The following BAIAP2L2 variants were observed in gnomAD, a reference collection of about 807,000 sequenced individuals.
BAIAP2L2 encodes BAR/IMD domain containing adaptor protein 2 like 2, also known as BAR/IMD domain-containing adapter protein 2-like 2.
BAIAP2L2 carries 65 observed loss-of-function variants against 60.4 expected under a neutral mutation model. The ratio of observed to expected loss-of-function variants is 1.08; its 90% CI spans 0.88 to 1.32. BAIAP2L2 has a LOEUF of 1.32. Ranked by LOEUF, BAIAP2L2 falls within the 40% of genes most tolerant of loss-of-function variation. The pLI is 0.00. For missense variants in BAIAP2L2, 836 were observed against 741.2 expected (o/e 1.13, Z -1.48); for synonymous variants, 344 against 301.7 (o/e 1.14, Z -1.45).
chr22:38,085,793 C>T (rs568344468), intron 12 of BAIAP2L2, 61 bp from the exon 13 acceptor site: 73 of 1,432,014 alleles, frequency 5.1e-5, no homozygotes, highest in Admixed American at 2.9e-4. Flanking sequence ...TCCCTTGCTC[C>T]TCCCCTCCCT....
chr22:38,102,671 C>A (rs972214308), intron 4 of BAIAP2L2, among the ~76,000 whole-genome samples: 1 of 152,096 alleles, frequency 6.6e-6, no homozygotes, highest in African/African-American at 2.4e-5. Context: ...GATGGGAGGA[C>A]TGCTTGAGGC....
rs1602035711 is a variant in BAIAP2L2 at position 38,108,419 on chromosome 22, G to T, written c.128-78C>A. The stretch of plus-strand genomic sequence containing the variant: ...CTGGAGGCTCTTTTCATCTGGAGGG[G>T]ACTGTGTCTGTCCTGGGTGGGGTGT... On this transcript the variant is annotated intron_variant, in intron 2 of 13. Coordinates refer to ENST00000381669, the MANE Select transcript of BAIAP2L2 (RefSeq NM_025045.6). 2.6e-6 allele frequency: 3 copies of T among 1,149,374 alleles called. No individual in the cohort carries two copies. The East Asian group carries it at 7.4e-5, about 28-fold the overall frequency. The allele number at this position is 1,149,374 out of a possible 1,614,324, so 71.2% of individuals were successfully genotyped here. A position where few individuals can be genotyped will look rare whatever the true frequency, so the allele number is the denominator to read the frequency against.
At chr22:38,103,779 C>T (rs536322528) in intron 4 of BAIAP2L2, among the ~76,000 whole-genome samples, 1 of 150,048 alleles carries the variant, frequency 6.7e-6, no homozygotes, top group South Asian at 2.2e-4. Context: ...TGGAGAATTG[C>T]TTGAACCTGG....
chr22:38,105,687 C>T (rs568810478), intron 4 of BAIAP2L2, among the ~76,000 whole-genome samples: 2 of 152,018 alleles, frequency 1.3e-5, no homozygotes, highest in Non-Finnish European at 2.9e-5. Flanking sequence ...AAAACTGCAC[C>T]CCCCAAAGAC....
At chr22:38,109,093 G>C (rs13055413) in intron 2 of BAIAP2L2, 40 bp downstream of exon 2, 1 of 1,544,162 alleles carries the variant, frequency 6.5e-7, no homozygotes, top group Non-Finnish European at 8.9e-7. Context: ...GAACAGCAGA[G>C]GCCCAGGGCT....
chr22:38,097,199 T>C (rs1462212590), intron 6 of BAIAP2L2, 21 bp from the exon 7 acceptor site: 1 of 1,607,804 alleles, frequency 6.2e-7, no homozygotes, highest in African/African-American at 1.3e-5. Flanking sequence ...ACGGGAGTTC[T>C]GGCTGGGGGC....
At chr22:38,091,626 T>C (rs2086303353) in intron 7 of BAIAP2L2, 1 of 152,106 alleles carries the variant, frequency 6.6e-6, no homozygotes, top group Admixed American at 6.6e-5. Context: ...ATTTACGAAG[T>C]GAAACAGCCA....
intron 11 of BAIAP2L2, 62 bp from the exon 12 acceptor site, chr22:38,086,511 C>A (rs1373924074): frequency 1.1e-5 from 14 of 1,316,454 alleles, no homozygotes; most frequent in Non-Finnish European, 1.4e-5. Context: ...CCTTGTCCTG[C>A]CAGTAGCTGG....
intron 6 of BAIAP2L2, 146 bp downstream of exon 6, chr22:38,097,917 T>C: frequency 2.6e-6 from 2 of 761,576 alleles, no homozygotes; most frequent in South Asian, 3.2e-5. Context: ...AGGGGCTGGC[T>C]GACCTCCCCA....
At chr22:38,109,881 G>A (rs1406763999) in intron 1 of BAIAP2L2, among the ~76,000 whole-genome samples, 1 of 151,284 alleles carries the variant, frequency 6.6e-6, no homozygotes, top group Non-Finnish European at 1.5e-5. Context: ...CTATCAAGCA[G>A]GGTGGTCATT....
intron 7 of BAIAP2L2, among the ~76,000 whole-genome samples, chr22:38,096,514 G>T (rs918622901): frequency 1.4e-4 from 21 of 152,200 alleles, no homozygotes; most frequent in Admixed American, 1.4e-3. Flanking sequence ...AATTAGCCGG[G>T]CGTGATAGCA....
intron 7 of BAIAP2L2, among the ~76,000 whole-genome samples, chr22:38,096,508 AG>A (rs1420137029): frequency 6.6e-6 from 1 of 152,160 alleles, no homozygotes; most frequent in East Asian, 1.9e-4. Flanking sequence ...TACAAAAATT[AG>A]CCGGGCGTGA....
intron 7 of BAIAP2L2, among the ~76,000 whole-genome samples, chr22:38,094,805 T>G (rs1182268930): frequency 6.8e-6 from 1 of 147,594 alleles, no homozygotes; most frequent in African/African-American, 2.5e-5. Flanking sequence ...TGGGTTCAGA[T>G]CCAGAGACTC....
intron 7 of BAIAP2L2, among the ~76,000 whole-genome samples, chr22:38,093,641 A>G (rs2086359383): frequency 6.6e-6 from 1 of 152,260 alleles, no homozygotes; most frequent in African/African-American, 2.4e-5. Context: ...TGGGAACCGG[A>G]AATCAATATT....
chr22:38,086,550 C>T (rs1041790997), intron 11 of BAIAP2L2, 101 bp from the exon 12 acceptor site: 3 of 880,568 alleles, frequency 3.4e-6, no homozygotes, highest in Non-Finnish European at 5.1e-6. Flanking sequence ...CATCCGACAG[C>T]TTCCTCCCCG....
chr22:38,101,882 C>T (rs1160403614), intron 4 of BAIAP2L2, among the ~76,000 whole-genome samples: 1 of 151,912 alleles, frequency 6.6e-6, no homozygotes, highest in Middle Eastern at 3.2e-3. Flanking sequence ...CAAAACAAAA[C>T]AAACAAAACC....
chr22:38,087,090 C>T (rs2086105689), intron 11 of BAIAP2L2, 34 bp downstream of exon 11: 8 of 1,496,920 alleles, frequency 5.3e-6, no homozygotes, highest in African/African-American at 1.5e-5. Flanking sequence ...TGCCGGCGTC[C>T]TCACCCCCGC....
chr22:38,102,500 A>C (rs1382401839), intron 4 of BAIAP2L2, among the ~76,000 whole-genome samples: 5 of 152,184 alleles, frequency 3.3e-5, no homozygotes, highest in Non-Finnish European at 5.9e-5. Context: ...TTCCACAGAC[A>C]ATCTCTGAGG....
chr22:38,098,528 C>T, intron 4 of BAIAP2L2, 46 bp from the exon 5 acceptor site: 1 of 1,525,442 alleles, frequency 6.6e-7, no homozygotes, highest in Non-Finnish European at 9.1e-7. Context: ...CCCTACTGTT[C>T]CCAGGCCCCA....
Sources: gnomAD v4.1 joint callset for allele counts (sites outside exome capture counted in the v4.1 genomes callset) on GRCh38, gnomAD v4.1.1 for gene constraint, MANE v1.5 for transcripts, NCBI Gene and HGNC (gene_info 2026-07-23, HGNC 2026-07-21) for gene names.